ERG: variants seen among roughly 807,000 people sequenced by gnomAD.
The protein encoded by ERG is transcriptional regulator ERG.
In ERG, 9 loss-of-function variants were observed where a neutral mutation model predicts 55.3. That is an observed-to-expected ratio of 0.16 (90% CI 0.10 to 0.28). The LOEUF is 0.28. Ranked by LOEUF, ERG falls within the 10% of genes least tolerant of loss-of-function variation. The probability of loss-of-function intolerance (pLI) is 1.00; values close to 1 mark genes in which losing one functional copy is unlikely to be tolerated. For missense variants in ERG, 434 were observed against 631.6 expected (o/e 0.69, Z 3.35); for synonymous variants, 223 against 237.3 (o/e 0.94, Z 0.55).
intron 1 of ERG, among the ~76,000 whole-genome samples, chr21:38,461,442 G>A (rs1311504120): frequency 6.6e-6 from 1 of 152,182 alleles, no homozygotes; most frequent in Non-Finnish European, 1.5e-5. Flanking sequence ...ATAACTCAGG[G>A]AACACTATTC....
intron 1 of ERG, among the ~76,000 whole-genome samples, chr21:38,651,719 C>T (rs2060489915): frequency 6.6e-6 from 1 of 152,160 alleles, no homozygotes; most frequent in African/African-American, 2.4e-5. Context: ...ACGGACTCTG[C>T]CTCCACGTCA....
chr21:38,590,185 A>T (rs2060091238), intron 1 of ERG, among the ~76,000 whole-genome samples: 1 of 152,174 alleles, frequency 6.6e-6, no homozygotes, highest in African/African-American at 2.4e-5. Context: ...TCCCCTCAAT[A>T]AACAAAGGCT....
intron 1 of ERG, among the ~76,000 whole-genome samples, chr21:38,617,186 C>T (rs182860931): frequency 0.01 from 1,581 of 152,308 alleles, 19 homozygotes; most frequent in Non-Finnish European, 0.018. Context: ...CATCAAGTTT[C>T]TTCCAATTCT....
At chr21:38,431,420 A>G (rs1569094623) in intron 2 of ERG, among the ~76,000 whole-genome samples, 1 of 152,190 alleles carries the variant, frequency 6.6e-6, no homozygotes, top group Non-Finnish European at 1.5e-5. Flanking sequence ...GTGGTTTTAA[A>G]TAGCCATTAT....
intron 1 of ERG, among the ~76,000 whole-genome samples, chr21:38,644,585 T>G (rs149368197): frequency 3.2e-4 from 48 of 152,300 alleles, no homozygotes; most frequent in African/African-American, 1.2e-3. Flanking sequence ...GACAGGGGTC[T>G]TCCCTGGATT....
chr21:38,375,869 C>A (rs971604315), downstream of ERG, among the ~76,000 whole-genome samples: 7 of 152,158 alleles, frequency 4.6e-5, no homozygotes, highest in African/African-American at 1.4e-4. Flanking sequence ...TCCTCCTGCA[C>A]CCCCAACACA....
At chr21:38,397,912 C>CAA (rs1272213526) in intron 6 of ERG, among the ~76,000 whole-genome samples, 1 of 152,132 alleles carries the variant, frequency 6.6e-6, no homozygotes, top group Non-Finnish European at 1.5e-5. Context: ...TACCTAGGAG[C>CAA]CTGGCTTGCT....
At chr21:38,525,480 C>A (rs1311740627) in intron 2 of ERG, among the ~76,000 whole-genome samples, 1 of 152,160 alleles carries the variant, frequency 6.6e-6, no homozygotes, top group Non-Finnish European at 1.5e-5. Flanking sequence ...AGCACATGAC[C>A]AGAAGCACGC....
At chr21:38,641,593 A>G (rs1180722481) in intron 1 of ERG, among the ~76,000 whole-genome samples, 1 of 152,204 alleles carries the variant, frequency 6.6e-6, no homozygotes, top group East Asian at 1.9e-4. Flanking sequence ...GTCATGTTAT[A>G]ATACAAAATA....
chr21:38,437,786 C>T (rs2058804732), intron 2 of ERG, among the ~76,000 whole-genome samples: 1 of 152,144 alleles, frequency 6.6e-6, no homozygotes, highest in African/African-American at 2.4e-5. Flanking sequence ...GATGCGACTG[C>T]CTCTCCCACC....
intron 9 of ERG, among the ~76,000 whole-genome samples, chr21:38,389,568 T>C (rs1987871818): frequency 6.6e-6 from 1 of 151,574 alleles, no homozygotes; most frequent in South Asian, 2.1e-4. Flanking sequence ...AATGGTTATA[T>C]GGCAGAGTTG....
At chr21:38,576,273 T>C (rs2059994052) in intron 1 of ERG, among the ~76,000 whole-genome samples, 1 of 152,200 alleles carries the variant, frequency 6.6e-6, no homozygotes, top group Non-Finnish European at 1.5e-5. Context: ...CATTTTCTCA[T>C]TTCATTCCAA....
At chr21:38,632,771 A>G (rs2060364855) in intron 1 of ERG, among the ~76,000 whole-genome samples, 1 of 152,224 alleles carries the variant, frequency 6.6e-6, no homozygotes, top group Non-Finnish European at 1.5e-5. Context: ...TATTGGCAGC[A>G]TAAAAACAGA....
In ERG at chr21:38,538,215, G is replaced by T. The variant is rs543647377; in HGVS notation, c.-41+37447C>A. Reference sequence around the variant, plus strand: ...TTGTTTAATGGGTTGGAGTGTCAGTGTAAGAAAATGAAAAAAGTTCTGGAG... The same window carrying T: ...TTGTTTAATGGGTTGGAGTGTCAGTTTAAGAAAATGAAAAAAGTTCTGGAG... On this transcript the variant is annotated intron_variant, in intron 2 of 8. Transcript: ENST00000398897. Among the ~76,000 whole-genome samples the T allele has an allele frequency of 2.0e-5, 3 of 152,208 alleles. No homozygotes were observed. The East Asian group carries it at 5.8e-4, about 29-fold the overall frequency.
rs139934706 is a variant in ERG, at chr21:38,546,356, T to C, written c.-41+29306A>G. ...AAAGCCAACATGCCATACGAAAAGA[T>C]AGTACTGTGCTTCCTTCAGTGCCAC... On this transcript the variant is annotated intron_variant, in intron 2 of 8. Transcript: ENST00000398897. 4.7e-3 allele frequency among the ~76,000 whole-genome samples: 720 copies of C among 152,328 alleles called. 3 individuals are homozygous for C. The highest frequency in any genetic ancestry group is 0.013 in the South Asian group (64 of 4,830).
upstream of ERG, among the ~76,000 whole-genome samples, chr21:38,586,628 G>A (rs905258589): frequency 1.3e-5 from 2 of 152,160 alleles, no homozygotes; most frequent in African/African-American, 4.8e-5. Context: ...ACGTAGATCA[G>A]TACAGTCATT....
At chr21:38,407,608 A>G (rs1368691914) in intron 3 of ERG, among the ~76,000 whole-genome samples, 1 of 132,506 alleles carries the variant, frequency 7.5e-6, no homozygotes. Flanking sequence ...TCTATTTTTC[A>G]AAGCCAAAAC....
chr21:38,653,582 G>A (rs1429226242), intron 1 of ERG, among the ~76,000 whole-genome samples: 1 of 152,220 alleles, frequency 6.6e-6, no homozygotes, highest in African/African-American at 2.4e-5. Context: ...AGTAAAAAGG[G>A]TGGTAGTTTT....
intron 1 of ERG, among the ~76,000 whole-genome samples, chr21:38,447,431 A>C (rs2146561652): frequency 6.6e-6 from 1 of 151,282 alleles, no homozygotes; most frequent in Middle Eastern, 3.4e-3. Context: ...ATCAGGCACA[A>C]GGGAAAAAAG....
Sources: allele counts gnomAD v4.1 joint callset (sites outside exome capture counted in the v4.1 genomes callset), GRCh38; gene constraint gnomAD v4.1.1; transcripts MANE v1.5; gene names NCBI Gene and HGNC (gene_info 2026-07-23, HGNC 2026-07-21).